MACROD2: variants seen among roughly 807,000 people sequenced by gnomAD.
MACROD2 encodes mono-ADP ribosylhydrolase 2, also known as ADP-ribose glycohydrolase MACROD2.
A neutral mutation model predicts 70.4 loss-of-function variants in MACROD2; 36 were observed. That is an observed-to-expected ratio of 0.51 (90% CI 0.39 to 0.68). The LOEUF (loss-of-function observed/expected upper bound fraction) is 0.68, where lower values mean the gene tolerates loss of function less well. MACROD2 is among the 30% of genes least tolerant of loss of function. The pLI, the probability that MACROD2 is intolerant of heterozygous loss-of-function variation, is 0.00. For missense variants in MACROD2, 496 were observed against 538.4 expected (o/e 0.92, Z 0.78); for synonymous variants, 172 against 178.8 (o/e 0.96, Z 0.30).
At chr20:15,275,742 C>T (rs912284843) in intron 6 of MACROD2, among the ~76,000 whole-genome samples, 6 of 152,134 alleles carry the variant, frequency 3.9e-5, no homozygotes, top group African/African-American at 1.4e-4. Flanking sequence ...AAAGCTATAT[C>T]TGGCACAGGT....
At chr20:15,545,481 C>T (rs1225259637) in intron 8 of MACROD2, among the ~76,000 whole-genome samples, 1 of 152,192 alleles carries the variant, frequency 6.6e-6, no homozygotes, top group African/African-American at 2.4e-5. Context: ...AGATACTGCA[C>T]ACTCAGTAAT....
intron 16 of MACROD2, among the ~76,000 whole-genome samples, chr20:16,044,212 C>T (rs987621733): frequency 5.3e-5 from 8 of 152,104 alleles, no homozygotes; most frequent in African/African-American, 1.4e-4. Flanking sequence ...CTAGAAGCAA[C>T]GTGTCACACA....
At chr20:15,328,416 A>G (rs186165542) in intron 6 of MACROD2, among the ~76,000 whole-genome samples, 2 of 152,258 alleles carry the variant, frequency 1.3e-5, no homozygotes, top group East Asian at 3.9e-4. Context: ...CAGAGGAGAA[A>G]AACACTCTGA....
rs75493535 is a variant in MACROD2 at position 14,751,668 on chromosome 20, G to A, written c.418+66709G>A. Among the ~76,000 whole-genome samples, 1,382 of 152,262 alleles carry A rather than the reference G, an allele frequency of 9.1e-3. 55 individuals carry two copies. In the East Asian group the frequency reaches 0.11, roughly 12 times the overall value. On this transcript the variant is annotated intron_variant, in intron 5 of 17. Coordinates refer to ENST00000684519, the MANE Select transcript of MACROD2 (RefSeq NM_001351661.2). ...TATTTCTTCTGGAACTCAATGGCTA[G>A]ACAGGCGTGTCCTTCTCATGGGAAG...
At chr20:14,332,963 T>A (rs1182243603) in intron 3 of MACROD2, among the ~76,000 whole-genome samples, 1 of 152,076 alleles carries the variant, frequency 6.6e-6, no homozygotes, top group Non-Finnish European at 1.5e-5. Flanking sequence ...AAAACTGGAG[T>A]ACATCAGGTT....
At chr20:14,556,358 T>G (rs1330700972) in intron 4 of MACROD2, among the ~76,000 whole-genome samples, 1 of 152,050 alleles carries the variant, frequency 6.6e-6, no homozygotes, top group Admixed American at 6.6e-5. Context: ...TTTTGGAACT[T>G]GAACTACAAA....
chr20:14,685,083 T>A, intron 5 of MACROD2, 124 bp downstream of exon 5: 1 of 691,036 alleles, frequency 1.4e-6, no homozygotes, highest in East Asian at 2.6e-5. Context: ...AGTTCAGATT[T>A]TGTACATGGT....
chr20:14,598,246 T>A (rs112575874), intron 4 of MACROD2, among the ~76,000 whole-genome samples: 17 of 152,312 alleles, frequency 1.1e-4, no homozygotes, highest in African/African-American at 4.1e-4. Context: ...TCCCTCGTAT[T>A]TTTTCTGATA....
At chr20:14,610,378 CTTTCA>C (rs1439541134) in intron 4 of MACROD2, among the ~76,000 whole-genome samples, 2 of 152,052 alleles carry the variant, frequency 1.3e-5, no homozygotes, top group East Asian at 3.9e-4. Context: ...ACAATATAAT[CTTTCA>C]TTTCATTTTC....
chr20:14,361,216 A>G (rs957719019), intron 3 of MACROD2, among the ~76,000 whole-genome samples: 2 of 152,200 alleles, frequency 1.3e-5, no homozygotes, highest in Admixed American at 6.5e-5. Context: ...CACTGCCTCC[A>G]GGAGGTAGTA....
intron 10 of MACROD2, among the ~76,000 whole-genome samples, chr20:15,889,309 G>A (rs2064860025): frequency 6.6e-6 from 1 of 152,068 alleles, no homozygotes; most frequent in Non-Finnish European, 1.5e-5. Flanking sequence ...ACTTTAATTG[G>A]GCATGTACTT....
chr20:14,212,352 G>T (rs2081578003), intron 3 of MACROD2, among the ~76,000 whole-genome samples: 1 of 152,072 alleles, frequency 6.6e-6, no homozygotes, highest in Non-Finnish European at 1.5e-5. Context: ...TTATAAACTT[G>T]CCTTTGTTAC....
chr20:14,342,453 A>G (rs575548857), intron 3 of MACROD2, among the ~76,000 whole-genome samples: 34 of 152,308 alleles, frequency 2.2e-4, no homozygotes, highest in African/African-American at 7.9e-4. Flanking sequence ...TTTTCTGTCA[A>G]CAGGTAGTGA....
At chr20:14,250,667 A>G (rs2082005137) in intron 3 of MACROD2, among the ~76,000 whole-genome samples, 1 of 152,108 alleles carries the variant, frequency 6.6e-6, no homozygotes, top group African/African-American at 2.4e-5. Context: ...GCCATCTTAT[A>G]CCTTTTCAAA....
intron 8 of MACROD2, among the ~76,000 whole-genome samples, chr20:15,531,710 T>C (rs1027666356): frequency 6.6e-6 from 1 of 152,208 alleles, no homozygotes; most frequent in African/African-American, 2.4e-5. Context: ...GTTTTTGTTA[T>C]GACTCGTTCT....
At chr20:14,697,036 T>C (rs1282561377) in intron 5 of MACROD2, among the ~76,000 whole-genome samples, 2 of 152,148 alleles carry the variant, frequency 1.3e-5, no homozygotes, top group East Asian at 1.9e-4. Flanking sequence ...AATTCAGGGA[T>C]TGTGTTCAGT....
intron 10 of MACROD2, among the ~76,000 whole-genome samples, chr20:15,894,928 T>C (rs2064947269): frequency 6.6e-6 from 1 of 152,172 alleles, no homozygotes; most frequent in African/African-American, 2.4e-5. Context: ...TGTAGTTCGG[T>C]CATTTTCTAG....
chr20:15,204,723 G>A (rs997237997), intron 5 of MACROD2, among the ~76,000 whole-genome samples: 1 of 152,104 alleles, frequency 6.6e-6, no homozygotes, highest in Admixed American at 6.5e-5. Flanking sequence ...TATAAATTCA[G>A]AACATAATGC....
intron 4 of MACROD2, among the ~76,000 whole-genome samples, chr20:14,617,037 A>G (rs573087008): frequency 6.6e-6 from 1 of 152,130 alleles, no homozygotes; most frequent in African/African-American, 2.4e-5. Context: ...CAGTCCCCAA[A>G]TATTTCTCAA....
Sources: gnomAD v4.1 joint callset for allele counts (sites outside exome capture counted in the v4.1 genomes callset) on GRCh38, gnomAD v4.1.1 for gene constraint, MANE v1.5 for transcripts, NCBI Gene and HGNC (gene_info 2026-07-23, HGNC 2026-07-21) for gene names.